RNF169: variants seen among roughly 807,000 people sequenced by gnomAD.
RNF169 encodes E3 ubiquitin-protein ligase RNF169.
A neutral mutation model predicts 53.9 loss-of-function variants in RNF169; 24 were observed. That is an observed-to-expected ratio of 0.45 (90% CI 0.32 to 0.63). The LOEUF (loss-of-function observed/expected upper bound fraction) is 0.63, where lower values mean the gene tolerates loss of function less well. RNF169 is among the 20% of genes least tolerant of loss of function. RNF169 has a pLI of 0.04. For missense variants in RNF169, 883 were observed against 906.2 expected (o/e 0.97, Z 0.33); for synonymous variants, 396 against 363.5 (o/e 1.09, Z -1.02).
At chr11:74,784,145 T>C (rs1382305644) in intron 1 of RNF169, among the ~76,000 whole-genome samples, 2 of 152,212 alleles carry the variant, frequency 1.3e-5, no homozygotes, top group East Asian at 3.8e-4. Context: ...GCATTTTACC[T>C]ATAATATTAT....
chr11:74,817,662 C>G lies in RNF169; in HGVS notation c.790C>G (p.Arg264Gly). 6.2e-7 allele frequency: 1 copy of G among 1,613,948 alleles called. No individual in the cohort carries two copies. Among genetic ancestry groups the G allele is most frequent in the Non-Finnish European group, 8.5e-7 (1 of 1,179,850 alleles). Residue 264 changes from arginine (R) to glycine (G), a missense_variant, in exon 4 of 6, where the codon CGC becomes GGC. By Grantham distance (125) the Arg-to-Gly change is moderately radical. This residue lies in a region of RNF169 where 219 missense variants were observed against 289.1 expected (regional missense o/e 0.76). Coordinates refer to ENST00000299563, the MANE Select transcript of RNF169 (RefSeq NM_001098638.2). ...PSRGQMTQTH[R>G]SAFVSKNNSY... ...TCGAGGCCAGATGACACAGACACATCGCTCGGCATTTGTTTCCAAGAACAA... is the reference window on the plus strand; with the variant it reads ...TCGAGGCCAGATGACACAGACACATGGCTCGGCATTTGTTTCCAAGAACAA...
chr11:74,771,740 G>T (rs1265859669), intron 1 of RNF169, among the ~76,000 whole-genome samples: 1 of 152,060 alleles, frequency 6.6e-6, no homozygotes, highest in Non-Finnish European at 1.5e-5. Context: ...CCTCCAGGCT[G>T]TGTATATAAG....
At chr11:74,791,552 G>T (rs1453019995) in intron 2 of RNF169, among the ~76,000 whole-genome samples, 1 of 152,230 alleles carries the variant, frequency 6.6e-6, no homozygotes, top group African/African-American at 2.4e-5. Flanking sequence ...GTCTGGAGGG[G>T]GCCGAGGTGG....
At chr11:74,821,791 G>A (rs1357089488) in intron 4 of RNF169, among the ~76,000 whole-genome samples, 1 of 152,122 alleles carries the variant, frequency 6.6e-6, no homozygotes, top group African/African-American at 2.4e-5. Flanking sequence ...AAAGGGTATA[G>A]GGTTCCTTTT....
intron 1 of RNF169, among the ~76,000 whole-genome samples, chr11:74,750,588 C>CTTTTTT (rs71036015): frequency 5.5e-5 from 3 of 54,500 alleles, no homozygotes; most frequent in Non-Finnish European, 8.8e-5. Context: ...CTCCCCTCAC[C>CTTTTTT]TTTTTTTTTT....
chr11:74,818,755 T>C (rs2035972131), intron 4 of RNF169, among the ~76,000 whole-genome samples: 1 of 152,146 alleles, frequency 6.6e-6, no homozygotes, highest in African/African-American at 2.4e-5. Context: ...TTGCTCACCC[T>C]TATCTCTAGG....
At chr11:74,786,720 C>T (rs948019543) in intron 1 of RNF169, among the ~76,000 whole-genome samples, 2 of 152,190 alleles carry the variant, frequency 1.3e-5, no homozygotes, top group Non-Finnish European at 2.9e-5. Context: ...TGTTTTTACT[C>T]ATATTGCACT....
At position 74,817,643 on chromosome 11, in the gene RNF169, C is replaced by A; in HGVS notation, c.771C>A (p.Gly257=). The A allele has an allele frequency of 6.2e-7, 1 of 1,614,010 alleles. No individual in the cohort carries two copies. The highest frequency in any genetic ancestry group is 8.5e-7 in the Non-Finnish European group (1 of 1,179,892). The change falls in exon 4 of 6, where the codon GGC becomes GGA. Residue 257 remains glycine, a synonymous_variant. Coordinates refer to ENST00000299563, the MANE Select transcript of RNF169 (RefSeq NM_001098638.2). ...SDSENEEPSR[G]QMTQTHRSAF... is the part of the protein sequence containing the mutation. ...CAGAGAATGAAGAACCTTCTCGAGG[C>A]CAGATGACACAGACACATCGCTCGG...
chr11:74,804,258 G>A (rs1249625132), intron 2 of RNF169, among the ~76,000 whole-genome samples: 1 of 152,150 alleles, frequency 6.6e-6, no homozygotes, highest in Admixed American at 6.5e-5. Context: ...CCCATCTTAT[G>A]CCCGGAGCTG....
At chr11:74,758,562 C>T (rs1430634770) in intron 1 of RNF169, among the ~76,000 whole-genome samples, 71 of 151,050 alleles carry the variant, frequency 4.7e-4, no homozygotes, top group Middle Eastern at 3.4e-3. Context: ...AGTGCAGTGG[C>T]GGGATCTCGG....
At chr11:74,771,503 A>G (rs978046757) in intron 1 of RNF169, among the ~76,000 whole-genome samples, 1 of 152,090 alleles carries the variant, frequency 6.6e-6, no homozygotes, top group African/African-American at 2.4e-5. Context: ...CAGGAGTTCA[A>G]TACCAGCCTG....
chr11:74,835,957 C>G lies in RNF169; in HGVS notation c.1354C>G (p.Leu452Val), dbSNP rs747622226. The change falls in exon 6 of 6, where the codon CTT becomes GTT. Residue 452 changes from leucine to valine, a missense_variant. By Grantham distance (32) the Leu-to-Val change is conservative. Transcript: ENST00000299563. ...CAAAAAGACCCTTTCAAAAGCCACT[C>G]TTACCTCTCTGGCTCCTGAAATGGG... is the stretch of plus-strand genomic sequence containing the variant. ...QIKKTLSKAT[L>V]TSLAPEMGEE... 10 of 1,614,216 alleles carry G rather than the reference C, an allele frequency of 6.2e-6. No individual in the cohort carries two copies. The highest frequency in any genetic ancestry group is 2.2e-5 in the East Asian group (1 of 44,886).
chr11:74,833,853 G>A (rs1212354217), intron 4 of RNF169, among the ~76,000 whole-genome samples: 1 of 152,062 alleles, frequency 6.6e-6, no homozygotes, highest in African/African-American at 2.4e-5. Context: ...ATGATCCTGG[G>A]ACAACTGTTA....
chr11:74,773,840 A>C (rs1351338944), intron 1 of RNF169, among the ~76,000 whole-genome samples: 3 of 152,184 alleles, frequency 2.0e-5, no homozygotes, highest in Admixed American at 6.5e-5. Flanking sequence ...AATAGGAGCT[A>C]TTTTGCAGAG....
At chr11:74,754,141 T>C (rs2034943558) in intron 1 of RNF169, among the ~76,000 whole-genome samples, 1 of 152,216 alleles carries the variant, frequency 6.6e-6, no homozygotes. Flanking sequence ...TTGGGAAACA[T>C]TAGTGAATGA....
In RNF169 at chr11:74,836,603, A is replaced by C. The variant is rs148036387; in HGVS notation, c.2000A>C (p.Glu667Ala). Residue 667 changes from glutamate to alanine, a missense_variant, in exon 6 of 6, where the codon GAA becomes GCA. By Grantham distance (107) the Glu-to-Ala change is moderately radical. Coordinates refer to ENST00000299563, the MANE Select transcript of RNF169 (RefSeq NM_001098638.2). ...ATGGAGCAGAAGCTTCAGCAAGAGGAAGAAGACCGACAGTTGGCTCTGCAG... is the reference window on the plus strand; with the variant it reads ...ATGGAGCAGAAGCTTCAGCAAGAGGCAGAAGACCGACAGTTGGCTCTGCAG... ...REMEQKLQQE[E>A]EDRQLALQLQ... is the part of the protein sequence containing the mutation. The C allele has an allele frequency of 6.2e-7, 1 of 1,614,078 alleles. No homozygotes were observed. The highest frequency in any genetic ancestry group is 1.3e-5 in the African/African-American group (1 of 75,034).
intron 3 of RNF169, among the ~76,000 whole-genome samples, chr11:74,810,709 C>A (rs1057460678): frequency 3.9e-5 from 6 of 152,116 alleles, no homozygotes; most frequent in African/African-American, 1.4e-4. Context: ...ATTTTACTTT[C>A]CTTTATTTGT....
chr11:74,793,175 C>T (rs1280038210), intron 2 of RNF169, among the ~76,000 whole-genome samples: 1 of 152,062 alleles, frequency 6.6e-6, no homozygotes, highest in Non-Finnish European at 1.5e-5. Flanking sequence ...CCAGAATAGA[C>T]AAATAGTAGT....
At chr11:74,800,958 C>G (rs1311461209) in intron 2 of RNF169, among the ~76,000 whole-genome samples, 2 of 152,124 alleles carry the variant, frequency 1.3e-5, no homozygotes, top group Admixed American at 1.3e-4. Context: ...ATATGCCTAT[C>G]TACAAAATGC....
Sources: gnomAD v4.1 joint callset for allele counts (sites outside exome capture counted in the v4.1 genomes callset) on GRCh38, gnomAD v4.1.1 for gene constraint, gnomAD v4.1.1 regional missense constraint, MANE v1.5 for transcripts, NCBI Gene and HGNC (gene_info 2026-07-23, HGNC 2026-07-21) for gene names.